The following TRPC4 variants were observed in gnomAD, a reference collection of about 807,000 sequenced individuals.
TRPC4 encodes short transient receptor potential channel 4.
In TRPC4, 49 loss-of-function variants were observed where a neutral mutation model predicts 99.4. The ratio of observed to expected loss-of-function variants is 0.49; its 90% CI spans 0.39 to 0.63. The LOEUF is 0.63. Among genes scored for constraint, TRPC4 ranks in the 20% least tolerant of loss-of-function variants. TRPC4 has a pLI of 0.00. For synonymous variants in TRPC4, 454 were observed against 425.9 expected, an observed-to-expected ratio of 1.07 and a Z score of -0.81; for missense variants, 898 against 1,152.9, an observed-to-expected ratio of 0.78 and a Z score of 3.20.
In TRPC4 at chr13:37,825,575, C is replaced by A. The variant is rs4391927; in HGVS notation, c.-27-42215G>T. Among the ~76,000 whole-genome samples the A allele has an allele frequency of 2.7e-3, 402 of 148,312 alleles. 6 individuals are homozygous for A. Among genetic ancestry groups the A allele is most frequent in the African/African-American group, 9.2e-3 (369 of 40,112 alleles). ...CAGGTTGTTCAGTTTCCATGTAGTC[C>A]AGCGGTTTTGAGTGAGATTCTTAAT... On this transcript the variant is annotated intron_variant, in intron 1 of 10. Transcript: ENST00000379705.
At chr13:37,796,825 G>A (rs2139411893) in intron 1 of TRPC4, among the ~76,000 whole-genome samples, 1 of 151,686 alleles carries the variant, frequency 6.6e-6, no homozygotes, top group African/African-American at 2.4e-5. Context: ...TGGGTCAGTG[G>A]CTCATGCCTG....
chr13:37,693,560 G>A (rs551601092), intron 3 of TRPC4, among the ~76,000 whole-genome samples: 17 of 152,230 alleles, frequency 1.1e-4, no homozygotes, highest in African/African-American at 3.6e-4. Context: ...AAGCCATATG[G>A]CTGTCCTTGA....
chr13:37,736,649 T>A (rs973593844), intron 3 of TRPC4, among the ~76,000 whole-genome samples: 1 of 152,168 alleles, frequency 6.6e-6, no homozygotes, highest in Admixed American at 6.5e-5. Flanking sequence ...GTATATATTA[T>A]ACTTTTTTGG....
At chr13:37,690,812 C>T (rs1182183469) in intron 4 of TRPC4, among the ~76,000 whole-genome samples, 3 of 149,664 alleles carry the variant, frequency 2.0e-5, no homozygotes. Flanking sequence ...AATAGGCTGT[C>T]TTTTTTTTTT....
At chr13:37,763,271 G>A (rs1397325327) in intron 2 of TRPC4, among the ~76,000 whole-genome samples, 2 of 151,486 alleles carry the variant, frequency 1.3e-5, no homozygotes, top group Non-Finnish European at 3.0e-5. Flanking sequence ...GGTAAAGTAG[G>A]CAAAAAAGAA....
chr13:37,752,516 T>C (rs568970342), intron 2 of TRPC4, among the ~76,000 whole-genome samples: 2 of 152,022 alleles, frequency 1.3e-5, no homozygotes, highest in Non-Finnish European at 2.9e-5. Context: ...CAATGCAAGC[T>C]AAAGTGACCC....
At chr13:37,723,056 T>C (rs1954928919) in intron 3 of TRPC4, among the ~76,000 whole-genome samples, 1 of 152,108 alleles carries the variant, frequency 6.6e-6, no homozygotes, top group Non-Finnish European at 1.5e-5. Flanking sequence ...CCCATAAAAA[T>C]ACACAGTGGC....
At chr13:37,828,201 C>A (rs1958306115) in intron 1 of TRPC4, among the ~76,000 whole-genome samples, 1 of 152,180 alleles carries the variant, frequency 6.6e-6, no homozygotes, top group South Asian at 2.1e-4. Flanking sequence ...GAACCCGGTA[C>A]CTCAGATGGA....
chr13:37,771,344 G>T lies in TRPC4; in HGVS notation c.378+11612C>A, dbSNP rs147907726. On this transcript the variant is annotated intron_variant, in intron 2 of 10. Coordinates refer to ENST00000379705, the MANE Select transcript of TRPC4 (RefSeq NM_016179.4). ...TTTCCTACTTCTCTCATCTTAGGTT[G>T]TTCCCTTGCTGCTCTGCTATAGCAA... Among the ~76,000 whole-genome samples the T allele has an allele frequency of 1.1e-4, 17 of 151,850 alleles. No homozygotes were observed. In the East Asian group the frequency reaches 3.3e-3, roughly 30 times the overall value.
chr13:37,730,146 A>AT (rs1301874280), intron 3 of TRPC4, among the ~76,000 whole-genome samples: 1 of 152,068 alleles, frequency 6.6e-6, no homozygotes, highest in Non-Finnish European at 1.5e-5. Context: ...AAGGTCTTAT[A>AT]TTTTGAAAAT....
chr13:37,677,831 T>C (rs1953110899), intron 4 of TRPC4, among the ~76,000 whole-genome samples: 1 of 152,130 alleles, frequency 6.6e-6, no homozygotes, highest in Non-Finnish European at 1.5e-5. Flanking sequence ...ACACATTTCT[T>C]GCTCGTGCAC....
At chr13:37,655,358 G>T in intron 6 of TRPC4, 75 bp from the exon 7 acceptor site, 1 of 623,752 alleles carries the variant, frequency 1.6e-6, no homozygotes, top group Non-Finnish European at 2.2e-6. Context: ...AATAAAGCTT[G>T]GCATGATTAT....
chr13:37,692,198 C>T lies in TRPC4; in HGVS notation c.1035G>A (p.Val345=). 6.2e-7 allele frequency: 1 copy of T among 1,614,062 alleles called. No homozygotes were observed. Residue 345 remains valine, a synonymous_variant, in exon 4 of 11, where the codon GTG becomes GTA. Coordinates refer to ENST00000379705, the MANE Select transcript of TRPC4 (RefSeq NM_016179.4). ...IIGLLFPVFS[V]CYLIAPKSPL... The stretch of plus-strand genomic sequence containing the variant: ...GGCTTTTGGGAGCTATCAGGTAGCA[C>T]ACAGAGAAGACAGGAAAAAGAAGTC...
intron 1 of TRPC4, among the ~76,000 whole-genome samples, chr13:37,845,795 A>G (rs1221182201): frequency 2.0e-5 from 3 of 152,188 alleles, no homozygotes; most frequent in African/African-American, 7.2e-5. Context: ...GGGAAAGACA[A>G]CAACATCCAG....
At position 37,731,959 on chromosome 13, in the gene TRPC4, AGTTATTCC is replaced by A. The variant is rs1329503964; in HGVS notation, c.897+13970_897+13977del. ...GTTATTTTTTCCTCACCAATGGTCA[AGTTATTCC>A]TCAACATAAAATCTCTTAGAAGAAC... On this transcript the variant is annotated intron_variant, in intron 3 of 10. Transcript: ENST00000379705. Among the ~76,000 whole-genome samples the A allele has an allele frequency of 3.3e-5, 5 of 152,214 alleles. No individual in the cohort carries two copies. In the South Asian group the frequency reaches 8.3e-4, roughly 25 times the overall value.
At chr13:37,810,963 T>C (rs1014700346) in intron 1 of TRPC4, among the ~76,000 whole-genome samples, 5 of 152,098 alleles carry the variant, frequency 3.3e-5, no homozygotes, top group Admixed American at 3.3e-4. Flanking sequence ...ATCTCATTCC[T>C]CTTTTTTCAC....
At chr13:37,745,087 T>C (rs982016960) in intron 3 of TRPC4, among the ~76,000 whole-genome samples, 2 of 152,130 alleles carry the variant, frequency 1.3e-5, no homozygotes, top group Non-Finnish European at 2.9e-5. Flanking sequence ...TTATAATAAG[T>C]ATTTACTGAT....
chr13:37,700,076 G>T (rs1954055859), intron 3 of TRPC4, among the ~76,000 whole-genome samples: 1 of 152,144 alleles, frequency 6.6e-6, no homozygotes, highest in Non-Finnish European at 1.5e-5. Context: ...ATCACAAAGG[G>T]TAGCAGTTGG....
rs112472802 is a variant in TRPC4, at chr13:37,642,887, C to T, written c.2080-3588G>A. Among the ~76,000 whole-genome samples, 34 of 152,100 alleles carry T rather than the reference C, an allele frequency of 2.2e-4. 1 individual carries two copies. Among genetic ancestry groups the T allele is most frequent in the African/African-American group, 7.0e-4 (29 of 41,482 alleles). On this transcript the variant is annotated intron_variant, in intron 8 of 10. Transcript: ENST00000379705. ...CTAGGATTACAGGTGCATGGCACCA[C>T]GCCTGGCTAACTTTTGTATTTTTAA...
Sources: gnomAD v4.1 joint callset for allele counts (sites outside exome capture counted in the v4.1 genomes callset) on GRCh38, gnomAD v4.1.1 for gene constraint, MANE v1.5 for transcripts, NCBI Gene and HGNC (gene_info 2026-07-23, HGNC 2026-07-21) for gene names.